The following EPM2A variants were observed in gnomAD, a reference collection of about 807,000 sequenced individuals.
EPM2A encodes laforin.
A neutral mutation model predicts 26.5 loss-of-function variants in EPM2A; 21 were observed. The observed-to-expected ratio is 0.79, with a 90% CI of 0.56 to 1.14. EPM2A has a LOEUF of 1.14. Ranked by LOEUF, EPM2A falls within the 50% of genes most tolerant of loss-of-function variation. The probability of loss-of-function intolerance (pLI) is 0.00; values close to 1 mark genes in which losing one functional copy is unlikely to be tolerated. For synonymous variants in EPM2A, 217 were observed against 177.6 expected, an observed-to-expected ratio of 1.22 and a Z score of -1.76; for missense variants, 458 against 440.8, an observed-to-expected ratio of 1.04 and a Z score of -0.35.
intron 2 of EPM2A, among the ~76,000 whole-genome samples, chr6:145,603,171 C>G (rs1023112314): frequency 6.6e-6 from 1 of 152,016 alleles, no homozygotes; most frequent in African/African-American, 2.4e-5. Flanking sequence ...TGAGGTCGCC[C>G]AGTGGTGCAA....
intron 2 of EPM2A, among the ~76,000 whole-genome samples, chr6:145,522,055 C>A (rs1169691706): frequency 6.6e-6 from 1 of 152,154 alleles, no homozygotes; most frequent in East Asian, 1.9e-4. Context: ...CGGGTTCACG[C>A]CATTCTCCTG....
rs552117398 is a variant in EPM2A at position 145,525,424 on chromosome 6, C to T, written c.341-22849G>A. ...GTCCATTTTAATGATATTGGTTCTT[C>T]CAATCCATGAGCATGGAATGTTTTT... On this transcript the variant is annotated intron_variant, in intron 2 of 3. Transcript: ENST00000450221. Among the ~76,000 whole-genome samples the T allele has an allele frequency of 1.1e-4, 16 of 152,020 alleles. No homozygotes were observed. The South Asian group carries it at 3.3e-3, about 32-fold the overall frequency.
In EPM2A at chr6:145,652,937, G is replaced by T. The variant is rs115933910; in HGVS notation, c.477-17451C>A. Among the ~76,000 whole-genome samples the T allele has an allele frequency of 5.1e-3, 771 of 152,252 alleles. 4 individuals carry two copies. Among genetic ancestry groups the T allele is most frequent in the African/African-American group, 0.018 (751 of 41,530 alleles). On this transcript the variant is annotated intron_variant, in intron 2 of 3. Coordinates refer to ENST00000367519, the MANE Select transcript of EPM2A (RefSeq NM_005670.4). ...TAATTTCTGACTGCTTTAAATATAA[G>T]GATTAAAAGATATTCCCTTTCCAAG...
intron 4 of EPM2A, among the ~76,000 whole-genome samples, chr6:145,407,261 A>G (rs1778581688): frequency 6.6e-6 from 1 of 152,174 alleles, no homozygotes. Flanking sequence ...TACACTAAGT[A>G]TTTAAAACAC....
chr6:145,471,843 G>A (rs1013381532), intron 4 of EPM2A, among the ~76,000 whole-genome samples: 1 of 152,014 alleles, frequency 6.6e-6, no homozygotes, highest in Admixed American at 6.6e-5. Flanking sequence ...GCAACTCATT[G>A]GTAAGTCCTA....
At chr6:145,735,545 C>A, upstream of EPM2A, 1 of 1,144,774 alleles carries the variant, frequency 8.7e-7, no homozygotes, top group Non-Finnish European at 1.1e-6. Context: ...TCCCCGCGGC[C>A]GGCAGGCGCG....
chr6:145,623,040 T>C (rs1775670564), downstream of EPM2A, among the ~76,000 whole-genome samples: 1 of 152,252 alleles, frequency 6.6e-6, no homozygotes. Flanking sequence ...GGTAGACTGA[T>C]ACATGTGAAG....
chr6:145,538,108 G>C (rs934954060), intron 2 of EPM2A, among the ~76,000 whole-genome samples: 1 of 152,058 alleles, frequency 6.6e-6, no homozygotes, highest in Admixed American at 6.5e-5. Context: ...AATCCTTTGG[G>C]TATATTTACC....
chr6:145,618,160 CAT>C (rs1775555702), intron 2 of EPM2A, among the ~76,000 whole-genome samples: 1 of 152,092 alleles, frequency 6.6e-6, no homozygotes, highest in East Asian at 1.9e-4. Flanking sequence ...CTTGAGGACT[CAT>C]GAAGATGCCT....
At chr6:145,687,699 G>A (rs566447092) in intron 1 of EPM2A, among the ~76,000 whole-genome samples, 4 of 152,142 alleles carry the variant, frequency 2.6e-5, no homozygotes, top group East Asian at 1.9e-4. Flanking sequence ...TTTGCTTGGC[G>A]TAAGCTCTCA....
chr6:145,604,015 C>T (rs1031202737), intron 2 of EPM2A, among the ~76,000 whole-genome samples: 10 of 152,162 alleles, frequency 6.6e-5, no homozygotes, highest in African/African-American at 2.2e-4. Flanking sequence ...TAAATGAAAA[C>T]AAAAGGCCTT....
chr6:145,722,547 G>A (rs1038920427), intron 1 of EPM2A, among the ~76,000 whole-genome samples: 1 of 152,152 alleles, frequency 6.6e-6, no homozygotes, highest in South Asian at 2.1e-4. Context: ...CCTAGTAGAG[G>A]TAATGTGGTA....
intron 1 of EPM2A, among the ~76,000 whole-genome samples, chr6:145,718,451 T>TC (rs1562519407): frequency 6.7e-6 from 1 of 150,356 alleles, no homozygotes; most frequent in African/African-American, 2.5e-5. Flanking sequence ...TTCCTTACAC[T>TC]TTATACAAAA....
chr6:145,551,170 G>C (rs569164804), intron 2 of EPM2A, among the ~76,000 whole-genome samples: 62 of 152,054 alleles, frequency 4.1e-4, no homozygotes, highest in African/African-American at 1.4e-3. Context: ...ACCTTGAATG[G>C]CTTTTCTGTT....
At chr6:145,500,286 C>T (rs1038686698), downstream of EPM2A, among the ~76,000 whole-genome samples, 1 of 152,120 alleles carries the variant, frequency 6.6e-6, no homozygotes, top group Non-Finnish European at 1.5e-5. Context: ...GTCTTGATTC[C>T]AGAACATGTA....
At chr6:145,455,900 C>G (rs1418675583) in intron 4 of EPM2A, among the ~76,000 whole-genome samples, 1 of 152,154 alleles carries the variant, frequency 6.6e-6, no homozygotes, top group East Asian at 1.9e-4. Flanking sequence ...TTCCTTGGGA[C>G]TGTTTGAATA....
chr6:145,581,117 A>T (rs561561910), intron 2 of EPM2A, among the ~76,000 whole-genome samples: 1 of 152,328 alleles, frequency 6.6e-6, no homozygotes, highest in South Asian at 2.1e-4. Flanking sequence ...TTACATTCCC[A>T]CTTGCAGTGT....
intron 4 of EPM2A, among the ~76,000 whole-genome samples, chr6:145,454,977 A>G (rs866526841): frequency 1.4e-5 from 2 of 147,588 alleles, no homozygotes; most frequent in Non-Finnish European, 3.1e-5. Context: ...AAAATTGTAT[A>G]TATGTGTATG....
intron 4 of EPM2A, among the ~76,000 whole-genome samples, chr6:145,391,903 C>T (rs559372252): frequency 6.6e-6 from 1 of 151,240 alleles, no homozygotes; most frequent in African/African-American, 2.4e-5. Flanking sequence ...TTCTCTTGGC[C>T]CTGGGTCTTA....
Sources: allele counts gnomAD v4.1 joint callset (sites outside exome capture counted in the v4.1 genomes callset), GRCh38; gene constraint gnomAD v4.1.1; transcripts MANE v1.5; gene names NCBI Gene and HGNC (gene_info 2026-07-23, HGNC 2026-07-21).